PLGRKT: variants seen among roughly 807,000 people sequenced by gnomAD.
PLGRKT encodes the protein plasminogen receptor (KT).
PLGRKT carries 22 observed loss-of-function variants against 18.5 expected under a neutral mutation model. The ratio of observed to expected loss-of-function variants is 1.19; its 90% CI spans 0.85 to 1.70. The LOEUF (loss-of-function observed/expected upper bound fraction) is 1.70. Among genes scored for constraint, PLGRKT ranks in the 40% most tolerant of loss-of-function variants. The pLI is 0.00. For synonymous variants in PLGRKT, 72 were observed against 52.8 expected, an observed-to-expected ratio of 1.36 and a Z score of -1.58; for missense variants, 235 against 174.4, an observed-to-expected ratio of 1.35 and a Z score of -1.96.
intron 3 of PLGRKT, chr9:5,392,624 T>A (rs1817971464): frequency 6.6e-6 from 1 of 151,886 alleles, no homozygotes; most frequent in Non-Finnish European, 1.5e-5. Flanking sequence ...AAGCTGCTTT[T>A]CATCTTTGGG....
At chr9:5,400,003 G>A (rs1818126687) in intron 3 of PLGRKT, among the ~76,000 whole-genome samples, 1 of 151,466 alleles carries the variant, frequency 6.6e-6, no homozygotes, top group Non-Finnish European at 1.5e-5. Context: ...AAAAATAAAT[G>A]AAATAAATAA....
At chr9:5,364,681 T>C (rs377103259) in intron 3 of PLGRKT, among the ~76,000 whole-genome samples, 2 of 152,200 alleles carry the variant, frequency 1.3e-5, no homozygotes, top group African/African-American at 4.8e-5. Flanking sequence ...CAAAGGACTA[T>C]ACATAAACAC....
intron 2 of PLGRKT, among the ~76,000 whole-genome samples, chr9:5,432,745 G>A (rs113664270): frequency 7.2e-5 from 11 of 152,322 alleles, no homozygotes; most frequent in South Asian, 4.1e-4. Context: ...TGATCTGCCC[G>A]CCTCGGCCTC....
intron 3 of PLGRKT, among the ~76,000 whole-genome samples, chr9:5,408,301 G>A (rs1449233552): frequency 6.6e-6 from 1 of 152,218 alleles, no homozygotes; most frequent in African/African-American, 2.4e-5. Flanking sequence ...AGATGGCCAG[G>A]TGGATGAGGT....
intron 3 of PLGRKT, among the ~76,000 whole-genome samples, chr9:5,367,068 C>CA (rs1817409773): frequency 2.0e-5 from 3 of 146,556 alleles, no homozygotes; most frequent in East Asian, 2.0e-4. Flanking sequence ...CACACACACA[C>CA]CCCTAGGAAT....
rs564623367 is a variant in PLGRKT at position 5,405,797 on chromosome 9, A to C, written c.81+26100T>G. 3.9e-5 allele frequency among the ~76,000 whole-genome samples: 6 copies of C among 152,364 alleles called. No homozygotes were observed. In the East Asian group the frequency reaches 1.2e-3, roughly 29 times the overall value. Reference sequence around the variant, plus strand: ...CTAAAGAGCTTCTGCACAGCAAATGAAACTATCATCAGAGGAAACAGACAA... The same window carrying C: ...CTAAAGAGCTTCTGCACAGCAAATGCAACTATCATCAGAGGAAACAGACAA... On this transcript the variant is annotated intron_variant, in intron 3 of 5. Transcript: ENST00000223864.
intron 3 of PLGRKT, among the ~76,000 whole-genome samples, chr9:5,426,117 C>T (rs1818693132): frequency 6.6e-6 from 1 of 152,154 alleles, no homozygotes; most frequent in Non-Finnish European, 1.5e-5. Flanking sequence ...TTTTCAGGGT[C>T]CTTTTCAACC....
At chr9:5,389,925 AAGG>A (rs1389473143) in intron 3 of PLGRKT, among the ~76,000 whole-genome samples, 1 of 151,794 alleles carries the variant, frequency 6.6e-6, no homozygotes, top group African/African-American at 2.4e-5. Context: ...GAGAAATATC[AAGG>A]AGGAGTGAGG....
intron 3 of PLGRKT, among the ~76,000 whole-genome samples, chr9:5,364,944 G>A (rs1441628611): frequency 6.6e-6 from 1 of 152,134 alleles, no homozygotes; most frequent in Non-Finnish European, 1.5e-5. Context: ...AGACAAGGAT[G>A]AAATTATAGA....
chr9:5,418,793 C>A lies in PLGRKT; in HGVS notation c.81+13104G>T. ...TCGAGGAGCTGCGACACGGAGAAGT[C>A]AGGGGGCAGCTTGGTGACACCGCTG... On this transcript the variant is annotated intron_variant, in intron 3 of 5. Coordinates refer to ENST00000223864, the MANE Select transcript of PLGRKT (RefSeq NM_018465.4). This position sits in a 1 kb window ranked among gnomAD's most constrained non-coding sequence, Gnocchi z 4.2. 1.2e-6 allele frequency: 1 copy of A among 864,908 alleles called. No individual in the cohort carries two copies. Among genetic ancestry groups the A allele is most frequent in the South Asian group, 1.4e-5 (1 of 69,270 alleles). 53.6% of individuals were successfully genotyped at this position (864,908 alleles called of 1,614,324 possible).
At chr9:5,438,043 G>T (rs539896801), upstream of PLGRKT, among the ~76,000 whole-genome samples, 8 of 152,324 alleles carry the variant, frequency 5.3e-5, no homozygotes, top group South Asian at 1.7e-3. Flanking sequence ...GTCAAAAGAG[G>T]CAAATTCAAA....
chr9:5,388,760 T>C (rs1003897584), intron 3 of PLGRKT, among the ~76,000 whole-genome samples: 1 of 152,064 alleles, frequency 6.6e-6, no homozygotes, highest in African/African-American at 2.4e-5. Context: ...GGACTTCCAC[T>C]TAACCTCTCT....
chr9:5,391,706 A>G (rs767902681), intron 3 of PLGRKT, among the ~76,000 whole-genome samples: 2 of 152,000 alleles, frequency 1.3e-5, no homozygotes, highest in Non-Finnish European at 2.9e-5. Flanking sequence ...CAAAGCAAGC[A>G]GCCCCACAGG....
intron 3 of PLGRKT, among the ~76,000 whole-genome samples, chr9:5,424,691 T>TACACAC (rs1554634194): frequency 2.8e-5 from 2 of 70,482 alleles, no homozygotes; most frequent in African/African-American, 6.1e-5. Flanking sequence ...TATATATATA[T>TACACAC]ACACACAGGG....
At chr9:5,423,200 T>C (rs112575203) in intron 3 of PLGRKT, among the ~76,000 whole-genome samples, 12 of 152,266 alleles carry the variant, frequency 7.9e-5, no homozygotes, top group Non-Finnish European at 1.2e-4. Flanking sequence ...ATCACACCAC[T>C]ACCCTGTTCA....
Position 5,393,216 on chromosome 9 carries a change from C to G in PLGRKT, c.82-31328G>C, listed in dbSNP as rs1817982670. ...TCACCCTGCCATTTTTATTTTCTCC[C>G]TCAGTGAGTGAAGTCAGGATAAACA... On this transcript the variant is annotated intron_variant, in intron 3 of 5. Coordinates refer to ENST00000223864, the MANE Select transcript of PLGRKT (RefSeq NM_018465.4). 1.3e-5 allele frequency among the ~76,000 whole-genome samples: 2 copies of G among 151,996 alleles called. 1 individual carries two copies. The highest frequency in any genetic ancestry group is 4.8e-5 in the African/African-American group (2 of 41,284).
intron 3 of PLGRKT, among the ~76,000 whole-genome samples, chr9:5,379,682 G>A: frequency 6.6e-6 from 1 of 152,176 alleles, no homozygotes; most frequent in Admixed American, 6.5e-5. Context: ...TATGAAAAAT[G>A]TTGAACTTCA....
Position 5,418,419 on chromosome 9 carries a change from G to C in PLGRKT, c.81+13478C>G, listed in dbSNP as rs1295467629. On this transcript the variant is annotated intron_variant, in intron 3 of 5. Transcript: ENST00000223864. The surrounding 1 kb of genome is among the most constrained non-coding windows in gnomAD (Gnocchi z 4.2). The stretch of plus-strand genomic sequence containing the variant: ...GCTTAGAAATGCAGGACATGTTATG[G>C]AGCACGATGCTGAGGAGGAAGACCA... 1 of 865,546 alleles carries C rather than the reference G, an allele frequency of 1.2e-6. No individual in the cohort carries two copies. The highest frequency in any genetic ancestry group is 2.0e-6 in the Non-Finnish European group (1 of 509,038). The allele number at this position is 865,546 out of a possible 1,614,324, so 53.6% of individuals were successfully genotyped here.
At chr9:5,423,926 GTTATATA>G (rs1818625741) in intron 3 of PLGRKT, among the ~76,000 whole-genome samples, 1 of 140,240 alleles carries the variant, frequency 7.1e-6, no homozygotes, top group Non-Finnish European at 1.5e-5. Flanking sequence ...TATATTACCT[GTTATATA>G]TTATATATAG....
Sources: allele counts gnomAD v4.1 joint callset (sites outside exome capture counted in the v4.1 genomes callset), GRCh38; gene constraint gnomAD v4.1.1; non-coding constraint Gnocchi (gnomAD v3.1); transcripts MANE v1.5; gene names NCBI Gene and HGNC (gene_info 2026-07-23, HGNC 2026-07-21).